RRM2: variants seen among roughly 807,000 people sequenced by gnomAD.
The protein encoded by RRM2 is ribonucleoside-diphosphate reductase subunit M2.
Under a neutral mutation model 45.9 loss-of-function variants are expected in RRM2, and 6 were observed. That is an observed-to-expected ratio of 0.13 (90% CI 0.07 to 0.26). The LOEUF (loss-of-function observed/expected upper bound fraction) is 0.26. RRM2 is among the 10% of genes least tolerant of loss of function. RRM2 has a pLI of 1.00. For synonymous variants in RRM2, 177 were observed against 173.0 expected (o/e 1.02, Z -0.18); for missense variants, 343 against 489.5 (o/e 0.70, Z 2.82).
At chr2:10,135,819 A>G (rs1558383871), downstream of RRM2, among the ~76,000 whole-genome samples, 1 of 152,190 alleles carries the variant, frequency 6.6e-6, no homozygotes, top group Non-Finnish European at 1.5e-5. Flanking sequence ...CGATGGTGAT[A>G]ACTGCACCAA....
intron 3 of RRM2, among the ~76,000 whole-genome samples, chr2:10,181,855 C>T (rs1328715931): frequency 1.3e-5 from 2 of 148,344 alleles, no homozygotes; most frequent in Non-Finnish European, 3.0e-5. Flanking sequence ...GCCTTGACCT[C>T]CAGGGCTCAA....
chr2:10,137,428 A>G (rs1013674825), upstream of RRM2, among the ~76,000 whole-genome samples: 1 of 152,196 alleles, frequency 6.6e-6, no homozygotes, highest in African/African-American at 2.4e-5. Context: ...CTCCCTGGTC[A>G]TTACACTGTG....
chr2:10,156,458 G>A (rs1178824152), intron 3 of RRM2, among the ~76,000 whole-genome samples: 1 of 152,180 alleles, frequency 6.6e-6, no homozygotes, highest in Non-Finnish European at 1.5e-5. Flanking sequence ...TGGGCAGTGG[G>A]GTCCTCTCTG....
chr2:10,164,067 C>CAT (rs1277034151), intron 3 of RRM2, among the ~76,000 whole-genome samples: 1 of 151,462 alleles, frequency 6.6e-6, no homozygotes, highest in Non-Finnish European at 1.5e-5. Context: ...CATGAGTGAA[C>CAT]GTGTGTGTGA....
rs201879203 is a variant in RRM2, at chr2:10,203,764, C to A, written n.483-6547C>A. Among the ~76,000 whole-genome samples, 17 of 135,404 alleles carry A rather than the reference C, an allele frequency of 1.3e-4. 1 individual carries two copies. Among genetic ancestry groups the A allele is most frequent in the East Asian group, 1.2e-3 (5 of 4,216 alleles). The allele number at this position is 135,404 out of a possible 152,430, so 88.8% of individuals were successfully genotyped here. On this transcript the variant is annotated intron_variant and non_coding_transcript_variant, in intron 3 of 3. Coordinates refer to the RRM2 transcript ENST00000381786. Reference sequence around the variant, plus strand: ...AGACTCTGTCTCACAAAAATAAATACATACATACATACATACATACATGTG... The same window carrying A: ...AGACTCTGTCTCACAAAAATAAATAAATACATACATACATACATACATGTG...
chr2:10,131,562 C>G (rs573226747), downstream of RRM2: 1 of 152,040 alleles, frequency 6.6e-6, no homozygotes, highest in Non-Finnish European at 1.5e-5. Flanking sequence ...AACATGGTGA[C>G]ACCCCATCTC....
exon 4 of RRM2, chr2:10,210,482 C>T (rs929392612): frequency 7.3e-6 from 10 of 1,367,872 alleles, no homozygotes; most frequent in South Asian, 2.3e-5. Context: ...TGGGAACTCA[C>T]CAAGAATGCA....
intron 3 of RRM2, among the ~76,000 whole-genome samples, chr2:10,200,499 A>G (rs7608902): frequency 0.027 from 759 of 27,994 alleles, 62 homozygotes; most frequent in African/African-American, 0.088. Flanking sequence ...CACCGCGCAC[A>G]CAAAATATGA....
chr2:10,209,614 TGC>T (rs1000799108), intron 3 of RRM2, among the ~76,000 whole-genome samples: 1 of 22,878 alleles, frequency 4.4e-5, no homozygotes, highest in Admixed American at 9.7e-4. Context: ...TGTGCGTGCA[TGC>T]GTGTGTGTGT....
chr2:10,203,932 G>T (rs998477381), intron 3 of RRM2, among the ~76,000 whole-genome samples: 1 of 151,896 alleles, frequency 6.6e-6, no homozygotes, highest in Non-Finnish European at 1.5e-5. Flanking sequence ...TGGTGGCTGC[G>T]CCTTTCTCCC....
Position 10,122,908 on chromosome 2 carries a change from G to A in RRM2, c.99+11G>A. The A allele has an allele frequency of 6.4e-7, 1 of 1,570,608 alleles. No homozygotes were observed. Among genetic ancestry groups the A allele is most frequent in the Non-Finnish European group, 8.6e-7 (1 of 1,160,758 alleles). On this transcript the variant is annotated intron_variant, in intron 1 of 9. Coordinates refer to ENST00000304567, the MANE Select transcript of RRM2 (RefSeq NM_001034.4). ...GACAAGGAGAACACGGTGAGCCCGC[G>A]GGGAGGGCGCTGCGGGCAGGGGAGG...
chr2:10,198,315 T>C (rs1259278213), intron 3 of RRM2, among the ~76,000 whole-genome samples: 1 of 152,026 alleles, frequency 6.6e-6, no homozygotes, highest in African/African-American at 2.4e-5. Flanking sequence ...TACGGTGACC[T>C]CTGTGTTCTA....
chr2:10,196,715 C>T (rs761967726), intron 3 of RRM2, among the ~76,000 whole-genome samples: 3 of 152,210 alleles, frequency 2.0e-5, no homozygotes, highest in Non-Finnish European at 4.4e-5. Flanking sequence ...CCGCACAGGG[C>T]GATGGGGCTG....
rs146940804 is a variant in RRM2 at position 10,125,392 on chromosome 2, T to C, written c.569+542T>C. On this transcript the variant is annotated intron_variant, in intron 5 of 9. Transcript: ENST00000304567. ...GGTGGGGGGATTAGAAATGGGCTGC[T>C]GGAGTAGTCTAGATACAAAGGTCAG... is the stretch of plus-strand genomic sequence containing the variant. 2.1e-4 allele frequency among the ~76,000 whole-genome samples: 32 copies of C among 152,254 alleles called. No individual in the cohort carries two copies. The East Asian group carries it at 6.0e-3, about 28-fold the overall frequency.
chr2:10,129,567 C>G lies in RRM2; in HGVS notation c.*181C>G. Reference sequence around the variant, plus strand: ...TCTGTTTATAGTGCTGGTAGTATCACCTTTTGCCAGAAGGCCTGGCTGGCT... The same window carrying G: ...TCTGTTTATAGTGCTGGTAGTATCAGCTTTTGCCAGAAGGCCTGGCTGGCT... On this transcript the variant is annotated 3_prime_UTR_variant, in exon 10 of 10. Coordinates refer to ENST00000304567, the MANE Select transcript of RRM2 (RefSeq NM_001034.4). The surrounding 1 kb of genome is among the most constrained non-coding windows in gnomAD (Gnocchi z 4.8). The G allele has an allele frequency of 6.1e-6, 4 of 658,456 alleles. No individual in the cohort carries two copies. Among genetic ancestry groups the G allele is most frequent in the South Asian group, 4.3e-5 (2 of 46,760 alleles). The allele number at this position is 658,456 out of a possible 1,614,324, so 40.8% of individuals were successfully genotyped here.
upstream of RRM2, among the ~76,000 whole-genome samples, chr2:10,137,841 C>T (rs1243799137): frequency 1.3e-5 from 2 of 152,104 alleles, no homozygotes; most frequent in African/African-American, 2.4e-5. Flanking sequence ...GGTGCCAGGA[C>T]GAGATGGGAA....
At chr2:10,141,842 G>T (rs1470069895) in intron 1 of RRM2, 1 of 1,553,924 alleles carries the variant, frequency 6.4e-7, no homozygotes, top group East Asian at 2.4e-5. Context: ...CCTCCTGTAT[G>T]CACTGCTGCA....
downstream of RRM2, among the ~76,000 whole-genome samples, chr2:10,133,180 G>T (rs1662930899): frequency 6.6e-6 from 1 of 152,250 alleles, no homozygotes; most frequent in Admixed American, 6.5e-5. Flanking sequence ...CTAAAGTCTG[G>T]ATCTCACTTG....
intron 3 of RRM2, among the ~76,000 whole-genome samples, chr2:10,186,305 G>A (rs1463100236): frequency 6.8e-6 from 1 of 146,584 alleles, no homozygotes; most frequent in Non-Finnish European, 1.5e-5. Flanking sequence ...GCACCGCCAT[G>A]CCCAGCTAAT....
Sources: allele counts gnomAD v4.1 joint callset (sites outside exome capture counted in the v4.1 genomes callset), GRCh38; gene constraint gnomAD v4.1.1; non-coding constraint Gnocchi (gnomAD v3.1); transcripts MANE v1.5; gene names NCBI Gene and HGNC (gene_info 2026-07-23, HGNC 2026-07-21).